Variants in FHL2 observed in about 807,000 individuals in gnomAD.
FHL2 encodes the protein four and a half LIM domains protein 2.
In FHL2, 20 loss-of-function variants were observed where a neutral mutation model predicts 32.7. The observed-to-expected ratio is 0.61, with a 90% CI of 0.43 to 0.89. FHL2 has a LOEUF of 0.89. Among genes scored for constraint, FHL2 ranks in the 40% least tolerant of loss-of-function variants. The pLI is 0.00. For synonymous variants in FHL2, 123 were observed against 128.1 expected, an observed-to-expected ratio of 0.96 and a Z score of 0.27; for missense variants, 311 against 358.6, an observed-to-expected ratio of 0.87 and a Z score of 1.07.
chr2:105,378,404 C>T, intron 3 of FHL2: 1 of 347,508 alleles, frequency 2.9e-6, no homozygotes, highest in East Asian at 7.8e-5. Flanking sequence ...GCCGCATTCT[C>T]TCAGGACAAC....
At chr2:105,373,221 A>G (rs1419896546) in intron 4 of FHL2, among the ~76,000 whole-genome samples, 1 of 152,244 alleles carries the variant, frequency 6.6e-6, no homozygotes, top group African/African-American at 2.4e-5. Context: ...TTCAGCAGGT[A>G]GAAGGGAAGA....
upstream of FHL2, chr2:105,399,712 G>A (rs1683394038): frequency 1.6e-6 from 2 of 1,286,670 alleles, no homozygotes; most frequent in African/African-American, 1.5e-5. Flanking sequence ...GGCCCTCTGC[G>A]TGACGCTGAC....
At chr2:105,434,401 G>A (rs1276146950) in intron 1 of FHL2, among the ~76,000 whole-genome samples, 3 of 152,140 alleles carry the variant, frequency 2.0e-5, no homozygotes, top group Non-Finnish European at 2.9e-5. Flanking sequence ...GTGAAACACT[G>A]TCTCTACTAA....
chr2:105,422,596 G>A (rs984415567), intron 1 of FHL2, among the ~76,000 whole-genome samples: 9 of 148,756 alleles, frequency 6.1e-5, no homozygotes, highest in African/African-American at 2.2e-4. Context: ...TCAATTTTCC[G>A]CTAATTTGTT....
rs949140320 is a variant in FHL2, at chr2:105,396,026, C to T, written c.-25+621G>A. Among the ~76,000 whole-genome samples, 12 of 152,060 alleles carry T rather than the reference C, an allele frequency of 7.9e-5. 1 individual carries two copies. In the South Asian group the frequency reaches 1.2e-3, roughly 16 times the overall value. On this transcript the variant is annotated intron_variant, in intron 2 of 6. Transcript: ENST00000530340. ...TTACAGCAAGAGGAAAGCCAAGACT[C>T]CCAGGAGCAAAGTAGTGATCAAATC...
At chr2:105,435,512 G>A (rs1177217648) in intron 1 of FHL2, among the ~76,000 whole-genome samples, 2 of 152,138 alleles carry the variant, frequency 1.3e-5, no homozygotes, top group Non-Finnish European at 2.9e-5. Context: ...AAAGTAGGTG[G>A]TTCCCATAGC....
chr2:105,377,553 C>T (rs891584987), intron 3 of FHL2, among the ~76,000 whole-genome samples: 3 of 152,012 alleles, frequency 2.0e-5, no homozygotes, highest in Non-Finnish European at 2.9e-5. Flanking sequence ...ATCTTGAACC[C>T]GGGAGGTGGA....
At chr2:105,412,605 A>C (rs1683826066) in intron 1 of FHL2, among the ~76,000 whole-genome samples, 2 of 152,182 alleles carry the variant, frequency 1.3e-5, no homozygotes, top group Admixed American at 6.5e-5. Context: ...AAACCAGGAG[A>C]GTGAGTGAGG....
In FHL2 at chr2:105,373,736, G is replaced by T. The variant is rs112533691; in HGVS notation, c.157-3C>A. On this transcript the variant is annotated splice_region_variant and splice_polypyrimidine_tract_variant and intron_variant, in intron 3 of 6. Transcript: ENST00000530340. Reference sequence around the variant, plus strand: ...TGCCGGTCCTTGTAAGACAAGTCCTGTGGGGCCAGACCACACAAGACAGTC... The same window carrying T: ...TGCCGGTCCTTGTAAGACAAGTCCTTTGGGGCCAGACCACACAAGACAGTC... 1.2e-6 allele frequency: 2 copies of T among 1,613,658 alleles called. No homozygotes were observed. Among genetic ancestry groups the T allele is most frequent in the Non-Finnish European group, 1.7e-6 (2 of 1,180,026 alleles).
At chr2:105,401,790 T>G (rs962194318), upstream of FHL2, among the ~76,000 whole-genome samples, 1 of 152,134 alleles carries the variant, frequency 6.6e-6, no homozygotes, top group African/African-American at 2.4e-5. Flanking sequence ...AGAGAACACT[T>G]TGTAGGTAGA....
At chr2:105,430,989 T>C (rs993806748) in intron 1 of FHL2, among the ~76,000 whole-genome samples, 1 of 152,244 alleles carries the variant, frequency 6.6e-6, no homozygotes, top group African/African-American at 2.4e-5. Context: ...GATCTTTGGG[T>C]CTTCCTTTCT....
intron 3 of FHL2, chr2:105,375,985 A>C (rs180933417): frequency 1.3e-5 from 2 of 152,260 alleles, no homozygotes; most frequent in African/African-American, 2.4e-5. Flanking sequence ...ATGTGAACTC[A>C]TGAGAAACAG....
At chr2:105,437,208 A>G (rs964296166) in intron 1 of FHL2, among the ~76,000 whole-genome samples, 1 of 152,256 alleles carries the variant, frequency 6.6e-6, no homozygotes, top group Non-Finnish European at 1.5e-5. Context: ...AAATGCCTCC[A>G]AAGTGTAATC....
chr2:105,366,522 T>C (rs1343843080), intron 5 of FHL2, among the ~76,000 whole-genome samples: 1 of 152,034 alleles, frequency 6.6e-6, no homozygotes, highest in African/African-American at 2.4e-5. Context: ...CTGATGCAAA[T>C]CCTAACAGGA....
intron 1 of FHL2, among the ~76,000 whole-genome samples, chr2:105,430,681 A>G (rs1357600711): frequency 6.6e-6 from 1 of 152,212 alleles, no homozygotes; most frequent in Non-Finnish European, 1.5e-5. Flanking sequence ...AAAACCCTAG[A>G]CATATTACTT....
intron 5 of FHL2, among the ~76,000 whole-genome samples, chr2:105,365,534 A>G (rs950452920): frequency 6.6e-6 from 1 of 152,214 alleles, no homozygotes; most frequent in African/African-American, 2.4e-5. Flanking sequence ...AGAACAAACC[A>G]AAATAAAAAT....
chr2:105,357,813 T>A (rs1680078423), downstream of FHL2: 1 of 152,210 alleles, frequency 6.6e-6, no homozygotes, highest in Admixed American at 6.5e-5. Context: ...ACCTTCCTTT[T>A]TTAAATATGA....
intron 1 of FHL2, among the ~76,000 whole-genome samples, chr2:105,435,947 A>ATTG (rs1470940527): frequency 6.6e-6 from 1 of 152,212 alleles, no homozygotes; most frequent in African/African-American, 2.4e-5. Context: ...TGTTTTATGC[A>ATTG]TTGTTGCCTT....
intron 1 of FHL2, among the ~76,000 whole-genome samples, chr2:105,436,440 A>T (rs1207554243): frequency 6.6e-6 from 1 of 152,194 alleles, no homozygotes; most frequent in Non-Finnish European, 1.5e-5. Context: ...TGACTAAACA[A>T]ATTGGTCATA....
Sources: gnomAD v4.1 joint callset for allele counts (sites outside exome capture counted in the v4.1 genomes callset) on GRCh38, gnomAD v4.1.1 for gene constraint, MANE v1.5 for transcripts, NCBI Gene and HGNC (gene_info 2026-07-23, HGNC 2026-07-21) for gene names.